Variants in POMGNT1 observed in about 807,000 individuals in gnomAD.
The protein encoded by POMGNT1 is protein O-linked mannose N-acetylglucosaminyltransferase 1 (beta 1,2-), also known as protein O-linked-mannose beta-1,2-N-acetylglucosaminyltransferase 1.
POMGNT1 carries 67 observed loss-of-function variants against 95.6 expected under a neutral mutation model. That is an observed-to-expected ratio of 0.70 (90% CI 0.58 to 0.86). The LOEUF (loss-of-function observed/expected upper bound fraction) is 0.86. Ranked by LOEUF, POMGNT1 falls within the 40% of genes least tolerant of loss-of-function variation. The pLI is 0.00. For synonymous variants in POMGNT1, 298 were observed against 317.9 expected (o/e 0.94, Z 0.66); for missense variants, 719 against 855.2 (o/e 0.84, Z 1.99).
intron 2 of POMGNT1, 174 bp from the exon 3 acceptor site, chr1:46,197,258 C>T (rs955524833): frequency 6.5e-7 from 1 of 1,530,000 alleles, no homozygotes; most frequent in Non-Finnish European, 8.8e-7. Context: ...CAGCCACTTT[C>T]CCCAGGGAAC....
chr1:46,195,644 A>C, intron 6 of POMGNT1, 167 bp downstream of exon 6: 1 of 733,702 alleles, frequency 1.4e-6, no homozygotes, highest in South Asian at 1.5e-5. Flanking sequence ...GCTGTTGCTC[A>C]ATAACTATTT....
intron 9 of POMGNT1, 143 bp downstream of exon 9, chr1:46,194,131 C>T (rs1658017318): frequency 6.5e-7 from 1 of 1,549,460 alleles, no homozygotes; most frequent in Admixed American, 1.9e-5. Context: ...TCACCCCAGC[C>T]CTGTCTTTCA....
upstream of POMGNT1, among the ~76,000 whole-genome samples, chr1:46,200,750 A>G (rs1484508349): frequency 1.3e-5 from 2 of 152,208 alleles, no homozygotes; most frequent in Admixed American, 6.5e-5. Context: ...AGTGCAGGCC[A>G]TTTCAGTTTC....
At chr1:46,213,087 CATTT>C (rs1165473778) in intron 1 of POMGNT1, among the ~76,000 whole-genome samples, 1 of 152,002 alleles carries the variant, frequency 6.6e-6, no homozygotes, top group Non-Finnish European at 1.5e-5. Context: ...GTCAAATAAA[CATTT>C]ATCATGTGTG....
chr1:46,193,074 T>G, intron 13 of POMGNT1, 100 bp downstream of exon 13: 2 of 1,602,532 alleles, frequency 1.2e-6, no homozygotes, highest in Non-Finnish European at 1.7e-6. Context: ...ATGTGAAGGA[T>G]GAGGCCCAGT....
In POMGNT1 at chr1:46,194,979, G is replaced by A. The variant is rs1465311075; in HGVS notation, c.535-18C>T. The A allele has an allele frequency of 6.2e-7, 1 of 1,612,004 alleles. No homozygotes were observed. The highest frequency in any genetic ancestry group is 1.7e-5 in the Admixed American group (1 of 60,036). ...CCCTCATCCTGGGGGACCAGAGAAG[G>A]CAGTTAGCCTGACTGGCATGGTTCC... On this transcript the variant is annotated intron_variant, in intron 6 of 21. Transcript: ENST00000371984.
intron 1 of POMGNT1, among the ~76,000 whole-genome samples, chr1:46,203,929 C>T (rs1215743736): frequency 1.3e-5 from 2 of 152,010 alleles, no homozygotes; most frequent in Non-Finnish European, 2.9e-5. Context: ...GTACTGAGAA[C>T]CCAACGCAGC....
chr1:46,198,481 CG>C (rs1658413688), upstream of POMGNT1: 1 of 149,348 alleles, frequency 6.7e-6, no homozygotes, highest in Non-Finnish European at 1.5e-5. Context: ...CCGCCGCCGC[CG>C]CTGCCGCGGG....
exon 1 of POMGNT1, chr1:46,219,783 G>A (rs1659175901): frequency 6.2e-7 from 1 of 1,614,076 alleles, no homozygotes; most frequent in Non-Finnish European, 8.5e-7. Context: ...CTGGCTGTTG[G>A]AGGAGCGGGG....
rs1248678666 is a variant in POMGNT1 at position 46,196,876 on chromosome 1, T to TA, written c.236-28dup. The TA allele has an allele frequency of 6.2e-7, 1 of 1,614,200 alleles. No individual in the cohort carries two copies. The highest frequency in any genetic ancestry group is 8.5e-7 in the Non-Finnish European group (1 of 1,180,044). On this transcript the variant is annotated intron_variant, in intron 3 of 21. Coordinates refer to ENST00000371984, the MANE Select transcript of POMGNT1 (RefSeq NM_017739.4). This position sits in a 1 kb window ranked among gnomAD's most constrained non-coding sequence, Gnocchi z 4.4. ...TGTGGGGTACAACAGGTCATGGAGATAGTCTCCTCAGCAGAGTCTCACCGC... is the reference window on the plus strand; with the variant it reads ...TGTGGGGTACAACAGGTCATGGAGATAAGTCTCCTCAGCAGAGTCTCACCGC...
chr1:46,197,200 C>T (rs1658317296), intron 2 of POMGNT1, 116 bp from the exon 3 acceptor site: 2 of 1,595,826 alleles, frequency 1.3e-6, no homozygotes, highest in African/African-American at 1.3e-5. Context: ...GGTCCTGTCC[C>T]TTCCTCTGTC....
At chr1:46,199,769 C>T (rs1437454641), upstream of POMGNT1, among the ~76,000 whole-genome samples, 22 of 151,950 alleles carry the variant, frequency 1.4e-4, no homozygotes. Context: ...GGTAATATCC[C>T]CCAAAATGAA....
intron 17 of POMGNT1, chr1:46,191,351 G>A (rs2148178802): frequency 5.2e-6 from 1 of 193,196 alleles, no homozygotes; most frequent in East Asian, 1.3e-4. Context: ...ATGGTCCTCT[G>A]AATGCAGCCA....
At chr1:46,215,346 C>T (rs1314626246) in intron 1 of POMGNT1, among the ~76,000 whole-genome samples, 3 of 151,680 alleles carry the variant, frequency 2.0e-5, no homozygotes, top group East Asian at 1.9e-4. Flanking sequence ...CAGAAAAATA[C>T]TGGAGGATAA....
chr1:46,210,920 G>A (rs955685156), intron 1 of POMGNT1, among the ~76,000 whole-genome samples: 1 of 151,078 alleles, frequency 6.6e-6, no homozygotes, highest in African/African-American at 2.4e-5. Context: ...CACTACAGGT[G>A]TGCAATACCA....
intron 1 of POMGNT1, among the ~76,000 whole-genome samples, chr1:46,211,600 C>A (rs989103221): frequency 5.9e-5 from 9 of 152,076 alleles, no homozygotes; most frequent in African/African-American, 2.2e-4. Context: ...TTAATATGTT[C>A]CTTCGATGTC....
intron 1 of POMGNT1, among the ~76,000 whole-genome samples, chr1:46,217,644 G>A (rs558610918): frequency 1.2e-4 from 19 of 152,188 alleles, no homozygotes; most frequent in African/African-American, 3.9e-4. Flanking sequence ...ATTATTTGAG[G>A]TCAGGAGTTT....
chr1:46,205,637 T>C (rs1658688453), intron 1 of POMGNT1, among the ~76,000 whole-genome samples: 1 of 152,228 alleles, frequency 6.6e-6, no homozygotes, highest in Admixed American at 6.5e-5. Context: ...ATTTAACTTT[T>C]GATTTTGTCT....
Position 46,188,977 on chromosome 1 carries a change from A to G in POMGNT1, c.*293T>C. On this transcript the variant is annotated 3_prime_UTR_variant, in exon 22 of 22. Transcript: ENST00000371984. ...CAATAAATAGGTTAGATTCTGAGCCAGGCCTGGAAAGTGAGGGTATTCAAA... is the reference window on the plus strand; with the variant it reads ...CAATAAATAGGTTAGATTCTGAGCCGGGCCTGGAAAGTGAGGGTATTCAAA... 1 of 1,607,158 alleles carries G rather than the reference A, an allele frequency of 6.2e-7. No homozygotes were observed. The highest frequency in any genetic ancestry group is 8.5e-7 in the Non-Finnish European group (1 of 1,176,010).
Sources: gnomAD v4.1 joint callset for allele counts (sites outside exome capture counted in the v4.1 genomes callset) on GRCh38, gnomAD v4.1.1 for gene constraint, Gnocchi (gnomAD v3.1) non-coding constraint, MANE v1.5 for transcripts, NCBI Gene and HGNC (gene_info 2026-07-23, HGNC 2026-07-21) for gene names.